Variants in DLG2 observed in about 807,000 individuals in gnomAD.
DLG2 encodes disks large homolog 2.
Under a neutral mutation model 132.5 loss-of-function variants are expected in DLG2, and 45 were observed. The observed-to-expected ratio is 0.34, with a 90% CI of 0.27 to 0.44. The LOEUF (loss-of-function observed/expected upper bound fraction) is 0.44, where lower values mean the gene tolerates loss of function less well. Among genes scored for constraint, DLG2 ranks in the 20% least tolerant of loss-of-function variants. The pLI is 1.00. For synonymous variants in DLG2, 424 were observed against 419.6 expected, an observed-to-expected ratio of 1.01 and a Z score of -0.13; for missense variants, 1,045 against 1,196.9, an observed-to-expected ratio of 0.87 and a Z score of 1.87.
chr11:84,836,597 T>A (rs1181776733), intron 6 of DLG2, among the ~76,000 whole-genome samples: 2 of 151,830 alleles, frequency 1.3e-5, no homozygotes, highest in Non-Finnish European at 2.9e-5. Context: ...GGGATTATCT[T>A]TAACAAGGGT....
chr11:85,586,381 G>A lies in DLG2; in HGVS notation c.40+12276C>T, dbSNP rs530258968. 7.9e-5 allele frequency among the ~76,000 whole-genome samples: 12 copies of A among 151,928 alleles called. No individual in the cohort carries two copies. In the South Asian group the frequency reaches 1.0e-3, roughly 13 times the overall value. On this transcript the variant is annotated intron_variant, in intron 3 of 27. Coordinates refer to ENST00000376104, the MANE Select transcript of DLG2 (RefSeq NM_001142699.3). The stretch of plus-strand genomic sequence containing the variant: ...ACTTTTTAATTACTCTTTCAATTTC[G>A]CTGCTTGTTATTGGTCTGTTCAGAG...
chr11:84,391,878 T>C (rs1358273196), intron 7 of DLG2, among the ~76,000 whole-genome samples: 1 of 151,888 alleles, frequency 6.6e-6, no homozygotes, highest in Non-Finnish European at 1.5e-5. Flanking sequence ...TTTTGCCAGC[T>C]AAGGGGGTAC....
At chr11:83,760,657 A>G (rs2093864159) in intron 18 of DLG2, among the ~76,000 whole-genome samples, 1 of 152,056 alleles carries the variant, frequency 6.6e-6, no homozygotes, top group Non-Finnish European at 1.5e-5. Context: ...CTCCTGGCCC[A>G]CCATCTCCAT....
chr11:83,947,039 A>C (rs1253323640), intron 14 of DLG2, among the ~76,000 whole-genome samples: 5 of 152,356 alleles, frequency 3.3e-5, no homozygotes, highest in South Asian at 2.1e-4. Flanking sequence ...TTATGCAGTG[A>C]AGCCATGGAA....
At chr11:85,025,087 G>C (rs1331891950) in intron 6 of DLG2, among the ~76,000 whole-genome samples, 1 of 152,164 alleles carries the variant, frequency 6.6e-6, no homozygotes, top group Non-Finnish European at 1.5e-5. Context: ...AGTTGTGAAT[G>C]AATGACCATG....
intron 18 of DLG2, among the ~76,000 whole-genome samples, chr11:83,729,750 G>A (rs1335539173): frequency 6.6e-6 from 1 of 152,118 alleles, no homozygotes; most frequent in Non-Finnish European, 1.5e-5. Context: ...CTCCAGTCTG[G>A]GCAAAGTTGA....
intron 17 of DLG2, among the ~76,000 whole-genome samples, chr11:83,810,349 ATG>A (rs972044175): frequency 2.0e-5 from 3 of 151,946 alleles, no homozygotes; most frequent in East Asian, 1.9e-4. Context: ...GCAATTGTTT[ATG>A]TGTGTGTGTG....
intron 3 of DLG2, among the ~76,000 whole-genome samples, chr11:85,438,478 T>C (rs1228595879): frequency 1.3e-5 from 2 of 152,208 alleles, no homozygotes; most frequent in African/African-American, 4.8e-5. Context: ...AATATGTATA[T>C]ATCCATTACT....
intron 3 of DLG2, among the ~76,000 whole-genome samples, chr11:85,551,199 G>T (rs2076640845): frequency 1.3e-5 from 2 of 152,154 alleles, no homozygotes; most frequent in African/African-American, 2.4e-5. Flanking sequence ...TCTATATACT[G>T]AGTAGATAGT....
At chr11:85,412,935 A>G (rs2089477232) in intron 3 of DLG2, among the ~76,000 whole-genome samples, 1 of 151,652 alleles carries the variant, frequency 6.6e-6, no homozygotes, top group Admixed American at 6.6e-5. Flanking sequence ...GCCAGTACTG[A>G]GATTGTTGGA....
intron 3 of DLG2, among the ~76,000 whole-genome samples, chr11:85,489,368 C>A (rs2093505229): frequency 1.3e-5 from 2 of 152,102 alleles, no homozygotes. Context: ...TATAATCATT[C>A]TAAATATATA....
intron 3 of DLG2, among the ~76,000 whole-genome samples, chr11:85,425,996 C>T (rs779852540): frequency 5.9e-5 from 9 of 152,224 alleles, no homozygotes; most frequent in African/African-American, 1.4e-4. Context: ...TTACATCCTG[C>T]GCCTGATTCG....
chr11:84,829,782 C>T (rs1182696555), intron 6 of DLG2, among the ~76,000 whole-genome samples: 3 of 151,562 alleles, frequency 2.0e-5, no homozygotes, highest in Admixed American at 1.3e-4. Context: ...ATACTTGAGA[C>T]ATTTTCTGTT....
chr11:85,551,984 A>ATTTGGAATTCAGTCTGGGGCTACTAC (rs1433274178), intron 3 of DLG2, among the ~76,000 whole-genome samples: 2 of 151,622 alleles, frequency 1.3e-5, no homozygotes, highest in Non-Finnish European at 3.0e-5. Flanking sequence ...TATACCCCTA[A>ATTTGGAATTCAGTCTGGGGCTACTAC]GGCCTTGAGA....
intron 3 of DLG2, among the ~76,000 whole-genome samples, chr11:85,337,281 T>C (rs2082198865): frequency 6.6e-6 from 1 of 152,204 alleles, no homozygotes; most frequent in Non-Finnish European, 1.5e-5. Flanking sequence ...ACAATGTCTC[T>C]CTGTATTGCC....
intron 7 of DLG2, among the ~76,000 whole-genome samples, chr11:84,407,095 C>T (rs751228124): frequency 3.9e-5 from 6 of 152,146 alleles, no homozygotes; most frequent in Non-Finnish European, 7.4e-5. Context: ...GGCTTCCGCA[C>T]CTCAGTCCCC....
At chr11:85,513,626 C>T (rs982878959) in intron 3 of DLG2, among the ~76,000 whole-genome samples, 2 of 151,928 alleles carry the variant, frequency 1.3e-5, no homozygotes, top group African/African-American at 2.4e-5. Context: ...CAGCAAGGTA[C>T]AAACTTCTAC....
chr11:83,702,426 T>C (rs1394874812), intron 18 of DLG2, among the ~76,000 whole-genome samples: 1 of 152,208 alleles, frequency 6.6e-6, no homozygotes, highest in Non-Finnish European at 1.5e-5. Context: ...GCAAATGTAG[T>C]AATTAACGCT....
intron 6 of DLG2, among the ~76,000 whole-genome samples, chr11:85,005,669 GCAAA>G (rs1458323572): frequency 6.6e-6 from 1 of 152,146 alleles, no homozygotes; most frequent in African/African-American, 2.4e-5. Flanking sequence ...CATGTCATCT[GCAAA>G]CAGAGACAAT....
Sources: allele counts gnomAD v4.1 joint callset (sites outside exome capture counted in the v4.1 genomes callset), GRCh38; gene constraint gnomAD v4.1.1; transcripts MANE v1.5; gene names NCBI Gene and HGNC (gene_info 2026-07-23, HGNC 2026-07-21).